ABCG1: variants seen among roughly 807,000 people sequenced by gnomAD.
ABCG1 encodes the protein ATP binding cassette subfamily G member 1, also known as ATP-binding cassette sub-family G member 1.
In ABCG1, 29 loss-of-function variants were observed where a neutral mutation model predicts 69.2. The observed-to-expected ratio is 0.42, with a 90% CI of 0.31 to 0.57. The LOEUF is 0.57. ABCG1 is among the 20% of genes least tolerant of loss of function. The pLI, the probability that ABCG1 is intolerant of heterozygous loss-of-function variation, is 0.15. For synonymous variants in ABCG1, 370 were observed against 374.8 expected (o/e 0.99, Z 0.15); for missense variants, 718 against 898.1 (o/e 0.80, Z 2.56).
Position 42,270,302 on chromosome 21 carries a change from A to G in ABCG1, c.287-768A>G, listed in dbSNP as rs1001111826. 1.1e-4 allele frequency among the ~76,000 whole-genome samples: 16 copies of G among 149,274 alleles called. No individual in the cohort carries two copies. The East Asian group carries it at 3.1e-3, about 29-fold the overall frequency. ...AAAAAGTGCCCCTGGATTGGGAGAC[A>G]TTATCTATGCATCCAGTTGCTTCTG... On this transcript the variant is annotated intron_variant, in intron 2 of 14. Coordinates refer to ENST00000398449, the MANE Select transcript of ABCG1 (RefSeq NM_016818.3).
At chr21:42,221,150 A>G (rs979529221) in intron 1 of ABCG1, 1 of 152,188 alleles carries the variant, frequency 6.6e-6, no homozygotes. Context: ...GGTACTTTAA[A>G]AAAAGTTTAA....
chr21:42,251,271 G>A (rs1476338122), intron 2 of ABCG1, among the ~76,000 whole-genome samples: 1 of 152,312 alleles, frequency 6.6e-6, no homozygotes, highest in East Asian at 1.9e-4. Flanking sequence ...GGGAGGACCT[G>A]TATTCATGGA....
intron 2 of ABCG1, chr21:42,256,314 C>G (rs933951418): frequency 3.9e-6 from 6 of 1,546,176 alleles, no homozygotes; most frequent in Non-Finnish European, 5.2e-6. Context: ...CCGGAGTCTA[C>G]AGAGGGTGGG....
chr21:42,203,165 A>G lies in ABCG1; in HGVS notation c.48+1442A>G, dbSNP rs963111378. Among the ~76,000 whole-genome samples, 3 of 152,326 alleles carry G rather than the reference A, an allele frequency of 2.0e-5. No individual in the cohort carries two copies. In the East Asian group the frequency reaches 5.8e-4, roughly 29 times the overall value. ...AACTCAAAATGCATCATAGATGTAG[A>G]ACATTGGAGAATTTTGAAAGTTCTT... is the stretch of plus-strand genomic sequence containing the variant. On this transcript the variant is annotated intron_variant, in intron 2 of 15. Coordinates refer to the ABCG1 transcript ENST00000398457.
chr21:42,290,193 G>C lies in ABCG1; in HGVS notation c.1368G>C (p.Ala456=), dbSNP rs61735842. Residue 456 remains alanine (A), a synonymous_variant, in exon 11 of 15, where the codon GCG becomes GCC. Transcript: ENST00000398449. ...LFFSMLFLMF[A]ALMPTVLTFP... The stretch of plus-strand genomic sequence containing the variant: ...TCTCCATGCTGTTCCTCATGTTCGC[G>C]GCCCTCATGCCTACTGTTCTGACAT... 4.5e-3 allele frequency: 7,326 copies of C among 1,614,032 alleles called. 281 individuals carry two copies. The African/African-American group carries it at 0.085, about 19-fold the overall frequency.
Position 42,287,915 on chromosome 21 carries a change from G to C in ABCG1, c.1000G>C (p.Gly334Arg). The C allele has an allele frequency of 1.2e-6, 2 of 1,603,452 alleles. No individual in the cohort carries two copies. The highest frequency in any genetic ancestry group is 1.7e-6 in the Non-Finnish European group (2 of 1,173,432). ...CATGGAGGTTGCATCCGGCGAGTACGGTGATCAGAACAGTCGGCTGGTGAG... is the reference window on the plus strand; with the variant it reads ...CATGGAGGTTGCATCCGGCGAGTACCGTGATCAGAACAGTCGGCTGGTGAG... The part of the protein sequence containing the change: ...FVMEVASGEY[G>R]DQNSRLVRAV... Residue 334 changes from glycine to arginine, a missense_variant, in exon 9 of 15, where the codon GGT becomes CGT. This residue lies in a region of ABCG1 where 514 missense variants were observed against 574.3 expected (regional missense o/e 0.90). Transcript: ENST00000398449. The surrounding 1 kb of genome is among the most constrained non-coding windows in gnomAD (Gnocchi z 6.2).
At chr21:42,258,650 T>A (rs1485895974) in intron 2 of ABCG1, among the ~76,000 whole-genome samples, 2 of 152,020 alleles carry the variant, frequency 1.3e-5, no homozygotes, top group African/African-American at 4.8e-5. Flanking sequence ...CATCCCTCCA[T>A]CCATCCCTCC....
At position 42,291,529 on chromosome 21, in the gene ABCG1, T is replaced by C; in HGVS notation, c.1526T>C (p.Val509Ala). The change falls in exon 13 of 15, where the codon GTG becomes GCG. Residue 509 changes from valine to alanine, a missense_variant. This residue lies in a region of ABCG1 where 204 missense variants were observed against 323.8 expected (regional missense o/e 0.63). Coordinates refer to ENST00000398449, the MANE Select transcript of ABCG1 (RefSeq NM_016818.3). The surrounding 1 kb of genome is among the most constrained non-coding windows in gnomAD (Gnocchi z 6.4). ...TTCCCAGTGGCCTACTGCAGCATCG[T>C]GTACTGGATGACGTCGCAGCCGTCC... is the stretch of plus-strand genomic sequence containing the variant. ...IMFPVAYCSIVYWMTSQPSDA... is the reference protein window; with the variant it reads ...IMFPVAYCSIAYWMTSQPSDA... The C allele has an allele frequency of 1.9e-6, 3 of 1,613,704 alleles. No homozygotes were observed. The highest frequency in any genetic ancestry group is 2.5e-6 in the Non-Finnish European group (3 of 1,179,796).
chr21:42,295,059 G>T (rs3788008), intron 14 of ABCG1: 19 of 196,528 alleles, frequency 9.7e-5, no homozygotes, highest in South Asian at 4.5e-4. Context: ...GGTGGCTCAT[G>T]TCTGTAATCC....
chr21:42,222,908 C>T (rs1379981261), intron 1 of ABCG1, among the ~76,000 whole-genome samples: 1 of 152,186 alleles, frequency 6.6e-6, no homozygotes, highest in Non-Finnish European at 1.5e-5. Context: ...TCCTCCTGGC[C>T]TGTCCCCTTT....
intron 2 of ABCG1, among the ~76,000 whole-genome samples, chr21:42,246,284 C>CT (rs1451112863): frequency 2.0e-5 from 3 of 152,196 alleles, no homozygotes; most frequent in African/African-American, 7.2e-5. Flanking sequence ...ATAGTTGTCA[C>CT]TGGATATAGG....
chr21:42,227,408 A>T (rs373669361), intron 2 of ABCG1, among the ~76,000 whole-genome samples: 235 of 152,362 alleles, frequency 1.5e-3, no homozygotes, highest in Middle Eastern at 0.014. Context: ...TCGTTTGTCT[A>T]TATAGACAAA....
rs1244645760 is a variant in ABCG1, at chr21:42,273,806, C to T, written c.537+371C>T. Among the ~76,000 whole-genome samples the T allele has an allele frequency of 6.6e-6, 1 of 152,184 alleles. No homozygotes were observed. The highest frequency in any genetic ancestry group is 1.9e-4 in the East Asian group (1 of 5,200). ...TCCTGTCAGCTATCCTTGAGTCTTT[C>T]CGTGTCTTTGGCCCAAGCACCCACT... On this transcript the variant is annotated intron_variant, in intron 4 of 14. Coordinates refer to ENST00000398449, the MANE Select transcript of ABCG1 (RefSeq NM_016818.3). The surrounding 1 kb of genome is among the most constrained non-coding windows in gnomAD (Gnocchi z 5.3).
rs775002504 is a variant in ABCG1 at position 42,201,763 on chromosome 21, G to A, written c.48+40G>A. The stretch of plus-strand genomic sequence containing the variant: ...GACAGGGAAGGATTTGGAAGCTAAA[G>A]CTCAGATCCAGACTGGGCTTGTTTC... On this transcript the variant is annotated intron_variant, in intron 2 of 15. Transcript: ENST00000398457. The A allele has an allele frequency of 3.7e-6, 6 of 1,613,028 alleles. No homozygotes were observed. In the African/African-American group the frequency reaches 6.7e-5, roughly 18 times the overall value.
chr21:42,223,325 G>A (rs1009284538), intron 1 of ABCG1, among the ~76,000 whole-genome samples: 3 of 152,098 alleles, frequency 2.0e-5, no homozygotes, highest in Admixed American at 6.5e-5. Flanking sequence ...GAAAGATTTC[G>A]TCCTGCGTCT....
chr21:42,220,460 T>G (rs1385051615), intron 1 of ABCG1, among the ~76,000 whole-genome samples: 1 of 151,558 alleles, frequency 6.6e-6, no homozygotes, highest in Non-Finnish European at 1.5e-5. Context: ...CATGCTCCGC[T>G]GTGACAACTG....
chr21:42,283,656 C>G (rs1601441775), intron 6 of ABCG1, among the ~76,000 whole-genome samples: 2 of 146,034 alleles, frequency 1.4e-5, no homozygotes, highest in East Asian at 4.0e-4. Flanking sequence ...TGAAGTCCCC[C>G]CCCACCCAAA....
chr21:42,283,659 C>A (rs1028324709), intron 6 of ABCG1, among the ~76,000 whole-genome samples: 108 of 142,360 alleles, frequency 7.6e-4, no homozygotes, highest in African/African-American at 2.1e-3. Flanking sequence ...AGTCCCCCCC[C>A]ACCCAAATGA....
At chr21:42,208,929 A>G (rs1727314166) in intron 2 of ABCG1, among the ~76,000 whole-genome samples, 1 of 152,220 alleles carries the variant, frequency 6.6e-6, no homozygotes, top group African/African-American at 2.4e-5. Flanking sequence ...AGGCTCCACA[A>G]GGTGACTGCC....
Sources: gnomAD v4.1 joint callset for allele counts (sites outside exome capture counted in the v4.1 genomes callset) on GRCh38, gnomAD v4.1.1 for gene constraint, gnomAD v4.1.1 regional missense constraint, Gnocchi (gnomAD v3.1) non-coding constraint, MANE v1.5 for transcripts, NCBI Gene and HGNC (gene_info 2026-07-23, HGNC 2026-07-21) for gene names.